Variants in RGL1 observed in about 807,000 individuals in gnomAD.
The protein encoded by RGL1 is ral guanine nucleotide dissociation stimulator like 1.
RGL1 carries 24 observed loss-of-function variants against 95.2 expected under a neutral mutation model. The ratio of observed to expected loss-of-function variants is 0.25; its 90% confidence interval spans 0.18 to 0.35. The LOEUF (loss-of-function observed/expected upper bound fraction) is 0.35. Ranked by LOEUF, RGL1 falls within the 10% of genes least tolerant of loss-of-function variation. RGL1 has a pLI of 1.00. For missense variants in RGL1, 715 were observed against 936.3 expected (o/e 0.76, Z 3.08); for synonymous variants, 329 against 344.9 (o/e 0.95, Z 0.51).
intron 15 of RGL1, among the ~76,000 whole-genome samples, chr1:183,915,000 A>G (rs1419632335): frequency 1.2e-4 from 18 of 152,242 alleles, no homozygotes; most frequent in South Asian, 6.2e-4. Flanking sequence ...TAAGGAAGAA[A>G]AAAACCCAAA....
At chr1:183,866,666 C>G (rs909809769) in intron 4 of RGL1, among the ~76,000 whole-genome samples, 2 of 152,112 alleles carry the variant, frequency 1.3e-5, no homozygotes, top group Non-Finnish European at 2.9e-5. Context: ...CTCATAGCAA[C>G]TTGGGGAAAG....
At chr1:183,821,845 A>G (rs1399430553) in intron 2 of RGL1, among the ~76,000 whole-genome samples, 2 of 152,166 alleles carry the variant, frequency 1.3e-5, no homozygotes, top group East Asian at 3.9e-4. Context: ...GATACTTTCT[A>G]AGAAGCAGGA....
chr1:183,815,523 G>A (rs921015751), intron 2 of RGL1, among the ~76,000 whole-genome samples: 4 of 152,138 alleles, frequency 2.6e-5, no homozygotes, highest in South Asian at 2.1e-4. Flanking sequence ...TGGGGACTTC[G>A]TAGACACTGG....
chr1:183,743,276 A>G (rs1472530157), intron 2 of RGL1, among the ~76,000 whole-genome samples: 4 of 152,168 alleles, frequency 2.6e-5, no homozygotes, highest in Admixed American at 2.6e-4. Flanking sequence ...TGCCTTCCAA[A>G]GCACTGGGAT....
intron 4 of RGL1, among the ~76,000 whole-genome samples, chr1:183,869,633 C>G (rs1666044415): frequency 6.6e-6 from 1 of 152,116 alleles, no homozygotes. Flanking sequence ...TGTTTTTTCC[C>G]CACATCTTTT....
intron 5 of RGL1, among the ~76,000 whole-genome samples, chr1:183,883,547 A>G (rs1480375228): frequency 1.3e-5 from 2 of 152,184 alleles, no homozygotes; most frequent in Non-Finnish European, 2.9e-5. Context: ...TTGGCCTAGG[A>G]GCCAGTGATT....
chr1:183,680,256 A>T (rs900086834), intron 1 of RGL1, among the ~76,000 whole-genome samples: 4 of 151,888 alleles, frequency 2.6e-5, no homozygotes, highest in Non-Finnish European at 4.4e-5. Flanking sequence ...TTTTGTTGCC[A>T]TTGCTTTTGG....
At chr1:183,676,908 T>C (rs1358194449) in intron 1 of RGL1, among the ~76,000 whole-genome samples, 2 of 151,484 alleles carry the variant, frequency 1.3e-5, no homozygotes, top group Non-Finnish European at 2.9e-5. Flanking sequence ...TTGTGAGTAT[T>C]AAATGAGTTA....
At chr1:183,688,093 G>A (rs1284874582) in intron 1 of RGL1, among the ~76,000 whole-genome samples, 1 of 152,106 alleles carries the variant, frequency 6.6e-6, no homozygotes, top group Non-Finnish European at 1.5e-5. Context: ...CACATGAGAT[G>A]AATCTTGGGA....
At position 183,904,989 on chromosome 1, in the gene RGL1, T is replaced by A; in HGVS notation, c.1472+18T>A. 1.2e-6 allele frequency: 2 copies of A among 1,607,722 alleles called. No individual in the cohort carries two copies. Among genetic ancestry groups the A allele is most frequent in the Non-Finnish European group, 1.7e-6 (2 of 1,178,136 alleles). On this transcript the variant is annotated intron_variant, in intron 13 of 17. Transcript: ENST00000360851. ...GAGGAGAGGTGGGATCACCTGTCGT[T>A]CATCGGGGTAGAACTGAAGTGTTGG...
At position 183,773,015 on chromosome 1, in the gene RGL1, C is replaced by CAAAAAAAAA. The variant is rs60100787; in HGVS notation, c.132+30752_132+30760dup. Among the ~76,000 whole-genome samples, 27 of 72,442 alleles carry CAAAAAAAAA rather than the reference C, an allele frequency of 3.7e-4. 3 individuals are homozygous for CAAAAAAAAA. The highest frequency in any genetic ancestry group is 2.0e-3 in the South Asian group (3 of 1,494). The allele number at this position is 72,442 out of a possible 152,430, so 47.5% of individuals were successfully genotyped here. A position where few individuals can be genotyped will look rare whatever the true frequency, so the allele number is the denominator to read the frequency against. Reference sequence around the variant, plus strand: ...TGGGCGACAGAGCAAGACTCCGTCTCAAAAAAAAAAAAAAAAAAAAAAAAA... The same window carrying CAAAAAAAAA: ...TGGGCGACAGAGCAAGACTCCGTCTCAAAAAAAAAAAAAAAAAAAAAAAAAAAAAAAAAA... On this transcript the variant is annotated intron_variant, in intron 2 of 18. Coordinates refer to the RGL1 transcript ENST00000304685.
At chr1:183,668,233 G>T (rs893511377) in intron 1 of RGL1, among the ~76,000 whole-genome samples, 2 of 152,072 alleles carry the variant, frequency 1.3e-5, no homozygotes, top group Non-Finnish European at 2.9e-5. Flanking sequence ...TTGCAGGTCA[G>T]GCTTACTGAC....
chr1:183,756,050 GT>G (rs1420738105), intron 2 of RGL1, among the ~76,000 whole-genome samples: 1 of 151,596 alleles, frequency 6.6e-6, no homozygotes, highest in Non-Finnish European at 1.5e-5. Flanking sequence ...TGCCCAGCTA[GT>G]TTTTTGTATT....
intron 1 of RGL1, chr1:183,648,866 G>T: frequency 9.3e-7 from 1 of 1,075,154 alleles, no homozygotes. Flanking sequence ...ACTGAAGACA[G>T]TGCATTAATT....
At position 183,916,472 on chromosome 1, in the gene RGL1, C is replaced by T. The variant is rs753512255; in HGVS notation, c.1775C>T (p.Ser592Phe). 4 of 1,614,076 alleles carry T rather than the reference C, an allele frequency of 2.5e-6. No homozygotes were observed. The South Asian group carries it at 4.4e-5, about 18-fold the overall frequency. ...CTCTCTGAGTCCTCCTCATCCTGTT[C>T]TTCTATCCATTCCATGGACACAAAT... ...KKLSESSSSC[S>F]SIHSMDTNSS... Residue 592 changes from serine (S) to phenylalanine (F), a missense_variant, in exon 16 of 18, where the codon TCT becomes TTT. Around this residue, in one of 3 missense-constraint regions of RGL1, gnomAD observed 330 missense variants for 429.6 expected, o/e 0.77. Coordinates refer to ENST00000360851, the MANE Select transcript of RGL1 (RefSeq NM_001297671.3).
intron 2 of RGL1, among the ~76,000 whole-genome samples, chr1:183,829,718 C>G (rs1313225523): frequency 6.6e-6 from 1 of 152,186 alleles, no homozygotes; most frequent in Non-Finnish European, 1.5e-5. Flanking sequence ...GGTTCACTCT[C>G]CTTTGGCCAC....
chr1:183,636,450 C>T, exon 1 of RGL1: 1 of 331,858 alleles, frequency 3.0e-6, no homozygotes, highest in Non-Finnish European at 5.4e-6. Context: ...CAAATCTTAT[C>T]TGTCAGTGCT....
intron 1 of RGL1, among the ~76,000 whole-genome samples, chr1:183,729,262 A>G: frequency 6.6e-6 from 1 of 152,080 alleles, no homozygotes; most frequent in East Asian, 1.9e-4. Context: ...AAGTCTTTCA[A>G]CTCACTGATA....
chr1:183,753,697 A>G (rs1658165544), intron 2 of RGL1, among the ~76,000 whole-genome samples: 1 of 152,242 alleles, frequency 6.6e-6, no homozygotes, highest in African/African-American at 2.4e-5. Context: ...TTTTCTTGCT[A>G]CAAGCCCAAT....
Sources: allele counts gnomAD v4.1 joint callset (sites outside exome capture counted in the v4.1 genomes callset), GRCh38; gene constraint gnomAD v4.1.1; regional missense constraint gnomAD v4.1.1; transcripts MANE v1.5; gene names NCBI Gene and HGNC (gene_info 2026-07-23, HGNC 2026-07-21).